The following SBNO1 variants were observed in gnomAD, a reference collection of about 807,000 sequenced individuals.
SBNO1 encodes protein strawberry notch homolog 1.
A neutral mutation model predicts 173.6 loss-of-function variants in SBNO1; 23 were observed. The ratio of observed to expected loss-of-function variants is 0.13; its 90% CI spans 0.10 to 0.19. SBNO1 has a LOEUF of 0.19. SBNO1 is among the 10% of genes least tolerant of loss of function. The pLI is 1.00. For synonymous variants in SBNO1, 632 were observed against 571.5 expected (o/e 1.11, Z -1.51); for missense variants, 1,238 against 1,671.2 (o/e 0.74, Z 4.52).
chr12:123,342,119 CG>C (rs1872639584), intron 4 of SBNO1, among the ~76,000 whole-genome samples: 1 of 151,968 alleles, frequency 6.6e-6, no homozygotes, highest in African/African-American at 2.4e-5. Context: ...GGCATGGTGG[CG>C]CATGCTCATA....
chr12:123,337,036 G>T (rs941906457), intron 5 of SBNO1, among the ~76,000 whole-genome samples: 3 of 152,132 alleles, frequency 2.0e-5, no homozygotes, highest in Admixed American at 1.3e-4. Context: ...CCAGAAGACT[G>T]GAGTTTATTT....
rs376266123 is a variant in SBNO1, at chr12:123,309,768, T to C, written c.3384A>G (p.Thr1128=). 39 of 1,613,240 alleles carry C rather than the reference T, an allele frequency of 2.4e-5. No homozygotes were observed. Among genetic ancestry groups the C allele is most frequent in the Non-Finnish European group, 3.1e-5 (36 of 1,179,762 alleles). The change falls in exon 26 of 32, where the codon ACA becomes ACG. Residue 1128 remains threonine, a synonymous_variant. Transcript: ENST00000602398. ...TGGCATTTTGAACAACTGCAGTAAG[T>C]GTGTCCGCAAAATACTGAAATAACG... The part of the protein sequence containing the change: ...QNALFQYFAD[T]LTAVVQNAKK...
chr12:123,310,475 G>A (rs1444828381), intron 25 of SBNO1, among the ~76,000 whole-genome samples: 5 of 151,376 alleles, frequency 3.3e-5, no homozygotes, highest in African/African-American at 1.2e-4. Context: ...CTTGTGATAC[G>A]CCTGCCTCAG....
At chr12:123,315,322 G>T in intron 23 of SBNO1, 51 bp downstream of exon 23, 2 of 1,390,900 alleles carry the variant, frequency 1.4e-6, no homozygotes, top group Non-Finnish European at 2.0e-6. Flanking sequence ...GTTCCCGAAA[G>T]ACACCATACA....
chr12:123,293,973 C>T lies in SBNO1; in HGVS notation c.*1935G>A, dbSNP rs1204155419. 1.3e-5 allele frequency: 2 copies of T among 152,260 alleles called. No individual in the cohort carries two copies. The highest frequency in any genetic ancestry group is 4.8e-5 in the African/African-American group (2 of 41,462). 9.4% of individuals were successfully genotyped at this position (152,260 alleles called of 1,614,324 possible). On this transcript the variant is annotated 3_prime_UTR_variant, in exon 32 of 32. Transcript: ENST00000602398. ...GCTGCCTACTGCTTTTAAAAACACA[C>T]ACATGAGCTGAGAAGTTCTGCTGAA...
intron 16 of SBNO1, among the ~76,000 whole-genome samples, chr12:123,322,526 G>A: frequency 6.6e-6 from 1 of 151,920 alleles, no homozygotes; most frequent in Non-Finnish European, 1.5e-5. Context: ...TCGAACTCCT[G>A]ACCTCAGGTG....
intron 3 of SBNO1, among the ~76,000 whole-genome samples, chr12:123,347,425 A>G (rs1873323319): frequency 6.6e-6 from 1 of 151,598 alleles, no homozygotes; most frequent in Admixed American, 6.6e-5. Context: ...ACGGGGTTTC[A>G]CCATGTTAAC....
intron 15 of SBNO1, among the ~76,000 whole-genome samples, chr12:123,324,417 G>T (rs1219890226): frequency 6.6e-6 from 1 of 151,304 alleles, no homozygotes; most frequent in African/African-American, 2.4e-5. Flanking sequence ...CGCCGCCTGG[G>T]TTCAAGCAAT....
chr12:123,331,453 G>T, intron 7 of SBNO1, 78 bp from the exon 8 acceptor site: 1 of 797,118 alleles, frequency 1.3e-6, no homozygotes, highest in Non-Finnish European at 1.8e-6. Context: ...TGTTTTAGGA[G>T]TAGGAATATG....
In SBNO1 at chr12:123,291,862, T is replaced by C. The variant is rs1593309641; in HGVS notation, c.*4046A>G. On this transcript the variant is annotated 3_prime_UTR_variant, in exon 32 of 32. Transcript: ENST00000602398. ...TTCTCTATATATACATTTATGTACATATATATAAATACAGCACAAAATTAG... is the reference window on the plus strand; with the variant it reads ...TTCTCTATATATACATTTATGTACACATATATAAATACAGCACAAAATTAG... 4 of 152,074 alleles carry C rather than the reference T, an allele frequency of 2.6e-5. No homozygotes were observed. In the South Asian group the frequency reaches 8.3e-4, roughly 32 times the overall value. 9.4% of individuals were successfully genotyped at this position (152,074 alleles called of 1,614,324 possible).
At chr12:123,331,973 T>C (rs1871268675) in intron 7 of SBNO1, among the ~76,000 whole-genome samples, 1 of 151,842 alleles carries the variant, frequency 6.6e-6, no homozygotes, top group Admixed American at 6.6e-5. Flanking sequence ...TGCTTCAGCC[T>C]CCCGAGTAGC....
chr12:123,352,939 A>G (rs930345711), intron 1 of SBNO1, among the ~76,000 whole-genome samples: 8 of 152,118 alleles, frequency 5.3e-5, no homozygotes, highest in Non-Finnish European at 1.0e-4. Flanking sequence ...CTGGGACTAC[A>G]GCCGCCCGCC....
chr12:123,291,604 A>T lies in SBNO1; in HGVS notation c.*4304T>A, dbSNP rs79015132. 6.6e-6 allele frequency: 1 copy of T among 151,786 alleles called. No homozygotes were observed. Among genetic ancestry groups the T allele is most frequent in the Non-Finnish European group, 1.5e-5 (1 of 67,988 alleles). The allele number at this position is 151,786 out of a possible 1,614,324, so 9.4% of individuals were successfully genotyped here. A position where few individuals can be genotyped will look rare whatever the true frequency, so the allele number is the denominator to read the frequency against. On this transcript the variant is annotated 3_prime_UTR_variant, in exon 32 of 32. Coordinates refer to ENST00000602398, the MANE Select transcript of SBNO1 (RefSeq NM_001167856.3). ...CATTAACACAAAACAGGAATTCTACAGCAAAGATGCAAAACTGAATTCTAA... is the reference window on the plus strand; with the variant it reads ...CATTAACACAAAACAGGAATTCTACTGCAAAGATGCAAAACTGAATTCTAA...
chr12:123,330,599 TAA>T (rs62719360), intron 8 of SBNO1, 90 bp from the exon 9 acceptor site: 125,568 of 494,578 alleles, frequency 0.25, 87 homozygotes, highest in Middle Eastern at 0.3. Flanking sequence ...TCTTGACACT[TAA>T]AAAAAAAAAA....
intron 5 of SBNO1, among the ~76,000 whole-genome samples, chr12:123,338,960 C>T (rs1032815366): frequency 6.8e-6 from 1 of 147,736 alleles, no homozygotes; most frequent in Non-Finnish European, 1.5e-5. Flanking sequence ...TATCAGTTTG[C>T]AGTCTCTCTG....
Position 123,321,637 on chromosome 12 carries a change from C to A in SBNO1, c.2221G>T (p.Asp741Tyr). The change falls in exon 17 of 32, where the codon GAT becomes TAT. Residue 741 changes from aspartate to tyrosine, a missense_variant. Asp to Tyr is a radical substitution (Grantham distance 160, BLOSUM62 -3). Coordinates refer to ENST00000602398, the MANE Select transcript of SBNO1 (RefSeq NM_001167856.3). ...CTCTCATAGTCACTTTCTTCATTAT[C>A]AGAGGCATCAGATTCACTTCCACTG... is the stretch of plus-strand genomic sequence containing the variant. ...DDSGSESDASDNEESDYESSK... is the reference protein window; with the variant it reads ...DDSGSESDASYNEESDYESSK... The A allele has an allele frequency of 6.2e-7, 1 of 1,613,964 alleles. No individual in the cohort carries two copies. Among genetic ancestry groups the A allele is most frequent in the Non-Finnish European group, 8.5e-7 (1 of 1,179,902 alleles).
intron 28 of SBNO1, among the ~76,000 whole-genome samples, chr12:123,306,003 T>C (rs754730434): frequency 1.1e-4 from 17 of 152,254 alleles, no homozygotes; most frequent in Admixed American, 2.0e-4. Flanking sequence ...TTTGCGGGGC[T>C]ATTAACTTTT....
intron 24 of SBNO1, 147 bp from the exon 25 acceptor site, chr12:123,311,276 G>C: frequency 1.6e-6 from 1 of 637,466 alleles, no homozygotes; most frequent in Admixed American, 2.6e-5. Flanking sequence ...AATGTGGAGA[G>C]AACTGCCCTT....
intron 29 of SBNO1, 96 bp downstream of exon 29, chr12:123,304,486 T>G (rs2048868419): frequency 3.3e-6 from 3 of 919,678 alleles, no homozygotes; most frequent in Non-Finnish European, 5.1e-6. Context: ...TCTGCCCACC[T>G]CGGCCTCCCA....
Sources: gnomAD v4.1 joint callset for allele counts (sites outside exome capture counted in the v4.1 genomes callset) on GRCh38, gnomAD v4.1.1 for gene constraint, MANE v1.5 for transcripts, NCBI Gene and HGNC (gene_info 2026-07-23, HGNC 2026-07-21) for gene names.